The following SMAD3 variants were observed in gnomAD, a reference collection of about 807,000 sequenced individuals.
SMAD3 encodes the protein MAD homolog 3.
In SMAD3, 12 loss-of-function variants were observed where a neutral mutation model predicts 51.8. That is an observed-to-expected ratio of 0.23 (90% CI 0.15 to 0.38). SMAD3 has a LOEUF of 0.38. SMAD3 is among the 10% of genes least tolerant of loss of function. SMAD3 has a pLI of 1.00. For synonymous variants in SMAD3, 238 were observed against 227.7 expected (o/e 1.05, Z -0.41); for missense variants, 294 against 565.6 (o/e 0.52, Z 4.87).
intron 1 of SMAD3, among the ~76,000 whole-genome samples, chr15:67,101,837 A>G (rs1960764975): frequency 6.6e-6 from 1 of 152,210 alleles, no homozygotes; most frequent in African/African-American, 2.4e-5. Context: ...GCATGAGATG[A>G]TGGACGTTAA....
At chr15:67,175,053 G>A (rs1962851931) in intron 5 of SMAD3, among the ~76,000 whole-genome samples, 2 of 152,222 alleles carry the variant, frequency 1.3e-5, no homozygotes, top group South Asian at 4.1e-4. Context: ...ATTACACAGC[G>A]TGCTGGGTGA....
intron 1 of SMAD3, among the ~76,000 whole-genome samples, chr15:67,082,893 C>T (rs1204336947): frequency 6.6e-6 from 1 of 152,140 alleles, no homozygotes; most frequent in Non-Finnish European, 1.5e-5. Context: ...GTTTTTCTTG[C>T]TTGATTAAAA....
chr15:67,106,870 T>C (rs1262131246), intron 1 of SMAD3, among the ~76,000 whole-genome samples: 1 of 152,164 alleles, frequency 6.6e-6, no homozygotes, highest in Non-Finnish European at 1.5e-5. Flanking sequence ...ACGAAGGTGT[T>C]AATGGTGGTA....
chr15:67,127,188 A>G (rs1295593882), intron 1 of SMAD3, among the ~76,000 whole-genome samples: 1 of 152,190 alleles, frequency 6.6e-6, no homozygotes, highest in Non-Finnish European at 1.5e-5. Flanking sequence ...GTCGCTCCCC[A>G]GGGCCAGGCT....
At chr15:67,176,668 G>C (rs1378147396) in intron 5 of SMAD3, among the ~76,000 whole-genome samples, 1 of 152,230 alleles carries the variant, frequency 6.6e-6, no homozygotes, top group African/African-American at 2.4e-5. Flanking sequence ...GTCTGTGCCA[G>C]CTTGGAACAG....
intron 6 of SMAD3, among the ~76,000 whole-genome samples, chr15:67,183,960 G>A (rs985605292): frequency 3.9e-5 from 6 of 152,162 alleles, no homozygotes; most frequent in Admixed American, 3.9e-4. Flanking sequence ...CAGGTTTACT[G>A]AATGAATCTC....
At chr15:67,077,465 C>T (rs1473199562) in intron 1 of SMAD3, among the ~76,000 whole-genome samples, 1 of 152,136 alleles carries the variant, frequency 6.6e-6, no homozygotes, top group African/African-American at 2.4e-5. Context: ...GAGAGCTGGA[C>T]CACTGAATGT....
chr15:67,070,318 T>C (rs1960025721), intron 1 of SMAD3, among the ~76,000 whole-genome samples: 1 of 151,996 alleles, frequency 6.6e-6, no homozygotes, highest in Non-Finnish European at 1.5e-5. Context: ...TGCAGGACAA[T>C]AGGTAGCTGA....
chr15:67,105,905 C>A (rs189401689), intron 1 of SMAD3, among the ~76,000 whole-genome samples: 7 of 152,288 alleles, frequency 4.6e-5, no homozygotes, highest in Admixed American at 4.6e-4. Context: ...ATTCCCCGGC[C>A]CTCCCTGCCG....
intron 1 of SMAD3, among the ~76,000 whole-genome samples, chr15:67,100,036 C>T (rs1960713972): frequency 1.3e-5 from 2 of 152,102 alleles, no homozygotes; most frequent in South Asian, 2.1e-4. Context: ...ACAAAATTAG[C>T]CGGGCATGGT....
intron 5 of SMAD3, among the ~76,000 whole-genome samples, chr15:67,174,978 G>A (rs1194558296): frequency 6.6e-6 from 1 of 152,162 alleles, no homozygotes; most frequent in Non-Finnish European, 1.5e-5. Flanking sequence ...GCAGGCTCTC[G>A]GAGACCCTGG....
intron 1 of SMAD3, among the ~76,000 whole-genome samples, chr15:67,107,173 T>C (rs934318711): frequency 2.0e-5 from 3 of 152,080 alleles, no homozygotes; most frequent in Admixed American, 6.5e-5. Context: ...AAAAAGATTT[T>C]AATGAGTCAT....
chr15:67,146,650 T>A (rs537088144), intron 1 of SMAD3, among the ~76,000 whole-genome samples: 9 of 152,286 alleles, frequency 5.9e-5, no homozygotes, highest in African/African-American at 2.2e-4. Flanking sequence ...TATTTTCCTT[T>A]GAGGACATCT....
intron 1 of SMAD3, among the ~76,000 whole-genome samples, chr15:67,101,786 T>A (rs1464239747): frequency 6.6e-6 from 1 of 152,248 alleles, no homozygotes; most frequent in Non-Finnish European, 1.5e-5. Context: ...GTGAATGATA[T>A]TTCTGGCCTC....
intron 1 of SMAD3, among the ~76,000 whole-genome samples, chr15:67,114,486 G>A (rs1395434344): frequency 1.3e-5 from 2 of 152,158 alleles, no homozygotes; most frequent in African/African-American, 2.4e-5. Context: ...ACCCAATAAA[G>A]GGCTTTACCA....
At chr15:67,176,103 G>A (rs1343595791) in intron 5 of SMAD3, among the ~76,000 whole-genome samples, 3 of 152,154 alleles carry the variant, frequency 2.0e-5, no homozygotes, top group Admixed American at 6.5e-5. Context: ...ATTTTAGTCC[G>A]CAGATACATA....
intron 1 of SMAD3, among the ~76,000 whole-genome samples, chr15:67,151,279 C>G (rs1008968490): frequency 2.0e-5 from 3 of 152,062 alleles, no homozygotes; most frequent in African/African-American, 7.2e-5. Flanking sequence ...AAGATGAGAC[C>G]ATTATCTCAC....
intron 1 of SMAD3, among the ~76,000 whole-genome samples, chr15:67,107,042 G>A (rs994482982): frequency 6.6e-6 from 1 of 151,844 alleles, no homozygotes; most frequent in African/African-American, 2.4e-5. Context: ...GGCTTCTGTC[G>A]GCTTCCCTAG....
At chr15:67,137,916 A>G in intron 1 of SMAD3, 1 of 734,326 alleles carries the variant, frequency 1.4e-6, no homozygotes, top group Non-Finnish European at 2.4e-6. Flanking sequence ...CTCTTCTGTT[A>G]GCGACAGAGA....
Sources: gnomAD v4.1 joint callset for allele counts (sites outside exome capture counted in the v4.1 genomes callset) on GRCh38, gnomAD v4.1.1 for gene constraint, MANE v1.5 for transcripts, NCBI Gene and HGNC (gene_info 2026-07-23, HGNC 2026-07-21) for gene names.